Variants in HIPK2 observed in about 807,000 individuals in gnomAD.
HIPK2 encodes homeodomain-interacting protein kinase 2.
Under a neutral mutation model 113.7 loss-of-function variants are expected in HIPK2, and 27 were observed. The ratio of observed to expected loss-of-function variants is 0.24; its 90% confidence interval spans 0.17 to 0.33. The LOEUF (loss-of-function observed/expected upper bound fraction) is 0.33, where lower values mean the gene tolerates loss of function less well. HIPK2 is among the 10% of genes least tolerant of loss of function. The pLI is 1.00. For synonymous variants in HIPK2, 631 were observed against 642.2 expected (o/e 0.98, Z 0.26); for missense variants, 1,257 against 1,588.0 (o/e 0.79, Z 3.54).
chr7:139,749,067 T>C (rs1796237876), intron 1 of HIPK2, among the ~76,000 whole-genome samples: 1 of 152,248 alleles, frequency 6.6e-6, no homozygotes, highest in Non-Finnish European at 1.5e-5. Flanking sequence ...CTGTCACAAT[T>C]GTCATGGTCA....
intron 13 of HIPK2, among the ~76,000 whole-genome samples, chr7:139,580,037 G>A (rs1254806338): frequency 2.6e-5 from 4 of 152,158 alleles, no homozygotes; most frequent in Non-Finnish European, 5.9e-5. Flanking sequence ...AGGGATTTTT[G>A]TGGACTCAAT....
At chr7:139,612,764 G>A (rs376298207) in intron 9 of HIPK2, among the ~76,000 whole-genome samples, 98 of 152,244 alleles carry the variant, frequency 6.4e-4, no homozygotes, top group African/African-American at 2.3e-3. Context: ...CCAGCTTACA[G>A]TAACCATGAG....
In HIPK2 at chr7:139,565,168, C is replaced by T. The variant is rs1229409394; in HGVS notation, c.*7759G>A. On this transcript the variant is annotated 3_prime_UTR_variant, in exon 15 of 15. Coordinates refer to ENST00000406875, the MANE Select transcript of HIPK2 (RefSeq NM_022740.5). ...TGAGGTAATTATTGCCATTAGGTCA[C>T]AGTTTGTGTAAGATAATGTATCTAA... The T allele has an allele frequency of 6.6e-6, 1 of 151,224 alleles. No individual in the cohort carries two copies. Among genetic ancestry groups the T allele is most frequent in the Non-Finnish European group, 1.5e-5 (1 of 67,876 alleles). 9.4% of individuals were successfully genotyped at this position (151,224 alleles called of 1,614,324 possible).
chr7:139,767,269 G>T (rs58420647), intron 1 of HIPK2, among the ~76,000 whole-genome samples: 4,094 of 152,310 alleles, frequency 0.027, 165 homozygotes, highest in African/African-American at 0.093. Context: ...AAGCCCTCCA[G>T]AGAACTGAAG....
chr7:139,703,311 G>C (rs941848161), intron 2 of HIPK2, among the ~76,000 whole-genome samples: 2 of 152,056 alleles, frequency 1.3e-5, no homozygotes, highest in African/African-American at 2.4e-5. Flanking sequence ...TGCTGCTCAG[G>C]GTGAATGTTT....
chr7:139,767,117 T>C (rs992075714), intron 1 of HIPK2, among the ~76,000 whole-genome samples: 1 of 152,238 alleles, frequency 6.6e-6, no homozygotes, highest in Non-Finnish European at 1.5e-5. Flanking sequence ...AACCACCATC[T>C]GATTCTAAAT....
In HIPK2 at chr7:139,735,654, C is replaced by T. The variant is rs561355663; in HGVS notation, c.20-18639G>A. 7.2e-5 allele frequency among the ~76,000 whole-genome samples: 11 copies of T among 152,234 alleles called. No homozygotes were observed. In the South Asian group the frequency reaches 2.1e-3, roughly 29 times the overall value. On this transcript the variant is annotated intron_variant, in intron 1 of 14. Coordinates refer to ENST00000406875, the MANE Select transcript of HIPK2 (RefSeq NM_022740.5). ...GAGATAACTGACCACAGAAGGAAGT[C>T]GCAACTGTTGCCCATTGAACGGTGC...
chr7:139,576,385 G>T (rs1798492306), intron 13 of HIPK2, among the ~76,000 whole-genome samples: 1 of 152,198 alleles, frequency 6.6e-6, no homozygotes, highest in Non-Finnish European at 1.5e-5. Context: ...GCAGCTCTGG[G>T]GGGCCCGAGC....
intron 1 of HIPK2, among the ~76,000 whole-genome samples, chr7:139,721,726 C>T (rs1025127758): frequency 3.9e-5 from 6 of 152,080 alleles, no homozygotes; most frequent in Non-Finnish European, 7.4e-5. Flanking sequence ...AAAGAGAAGG[C>T]GGATTTTACT....
intron 1 of HIPK2, among the ~76,000 whole-genome samples, chr7:139,749,221 T>C (rs1208987347): frequency 6.6e-6 from 1 of 152,226 alleles, no homozygotes; most frequent in Non-Finnish European, 1.5e-5. Flanking sequence ...GTCACTGTCA[T>C]CATACAAATC....
chr7:139,696,809 G>A (rs933543217), intron 2 of HIPK2, among the ~76,000 whole-genome samples: 4 of 152,168 alleles, frequency 2.6e-5, no homozygotes, highest in African/African-American at 4.8e-5. Flanking sequence ...GAGGTGACAC[G>A]TTTCAGAGCA....
intron 2 of HIPK2, among the ~76,000 whole-genome samples, chr7:139,658,211 C>T (rs562242214): frequency 1.3e-5 from 2 of 151,760 alleles, no homozygotes; most frequent in Non-Finnish European, 2.9e-5. Context: ...GAGGCTGAGG[C>T]AGGAGAATCA....
At chr7:139,626,112 T>C (rs1432321464) in intron 6 of HIPK2, among the ~76,000 whole-genome samples, 6 of 151,392 alleles carry the variant, frequency 4.0e-5, no homozygotes, top group African/African-American at 1.5e-4. Context: ...CTTTCCTTTT[T>C]TTTTTTTTGA....
intron 1 of HIPK2, among the ~76,000 whole-genome samples, chr7:139,734,415 T>C (rs943768666): frequency 6.6e-6 from 1 of 152,148 alleles, no homozygotes; most frequent in Non-Finnish European, 1.5e-5. Context: ...GTGACTAAAA[T>C]TGGAAGATGC....
In HIPK2 at chr7:139,593,034, C is replaced by T. The variant is rs139265885; in HGVS notation, c.2717+3683G>A. 5.6e-3 allele frequency among the ~76,000 whole-genome samples: 860 copies of T among 152,362 alleles called. 11 individuals carry two copies. Among genetic ancestry groups the T allele is most frequent in the African/African-American group, 0.02 (819 of 41,588 alleles). On this transcript the variant is annotated intron_variant, in intron 12 of 14. Transcript: ENST00000406875. ...GGGGCTCAGTGGACAATACTCTAGA[C>T]TCCCTATGGCCCTGGCATGGTGACC...
chr7:139,638,656 C>CTTTTTTTTTTTTTTTTTTTT (rs1184555180), intron 2 of HIPK2, among the ~76,000 whole-genome samples: 6 of 130,244 alleles, frequency 4.6e-5, no homozygotes, highest in African/African-American at 1.8e-4. Flanking sequence ...AAATAATTGT[C>CTTTTTTTTTTTTTTTTTTTT]TTTTTTTTTT....
chr7:139,604,374 A>C, intron 9 of HIPK2, 151 bp from the exon 10 acceptor site: 1 of 584,632 alleles, frequency 1.7e-6, no homozygotes, highest in Non-Finnish European at 2.2e-6. Context: ...AAACTAAAGT[A>C]AGGGGAGATA....
At chr7:139,584,448 A>G (rs1307811740) in intron 12 of HIPK2, among the ~76,000 whole-genome samples, 1 of 152,214 alleles carries the variant, frequency 6.6e-6, no homozygotes, top group Non-Finnish European at 1.5e-5. Flanking sequence ...GAGCAAGGAG[A>G]GAACCAGCAA....
intron 2 of HIPK2, among the ~76,000 whole-genome samples, chr7:139,681,381 T>C (rs868369513): frequency 6.6e-6 from 1 of 152,158 alleles, no homozygotes; most frequent in Admixed American, 6.5e-5. Context: ...TGGTCTTTAT[T>C]AGCGGATTTC....
Sources: allele counts gnomAD v4.1 joint callset (sites outside exome capture counted in the v4.1 genomes callset), GRCh38; gene constraint gnomAD v4.1.1; transcripts MANE v1.5; gene names NCBI Gene and HGNC (gene_info 2026-07-23, HGNC 2026-07-21).